LDLRAD4: variants seen among roughly 807,000 people sequenced by gnomAD.
LDLRAD4 encodes low density lipoprotein receptor class A domain containing 4.
Under a neutral mutation model 17.0 loss-of-function variants are expected in LDLRAD4, and 5 were observed. The observed-to-expected ratio is 0.29, with a 90% CI of 0.15 to 0.62. The LOEUF (loss-of-function observed/expected upper bound fraction) is 0.62. Ranked by LOEUF, LDLRAD4 falls within the 20% of genes least tolerant of loss-of-function variation. The pLI is 0.84. For missense variants in LDLRAD4, 340 were observed against 424.7 expected (o/e 0.80, Z 1.75); for synonymous variants, 168 against 171.8 (o/e 0.98, Z 0.17).
At chr18:13,474,266 A>C (rs8099129) in intron 3 of LDLRAD4, among the ~76,000 whole-genome samples, 1 of 152,012 alleles carries the variant, frequency 6.6e-6, no homozygotes, top group Non-Finnish European at 1.5e-5. Flanking sequence ...TTTTGATAGC[A>C]GTGTAAGAAC....
chr18:13,438,364 C>T, exon 3 of LDLRAD4: 2 of 1,613,996 alleles, frequency 1.2e-6, no homozygotes, highest in Non-Finnish European at 1.7e-6. Flanking sequence ...ACCGAGCACC[C>T]GCCTCCGGGC....
Position 13,537,188 on chromosome 18 carries a change from A to C in LDLRAD4, c.182-83929A>C, listed in dbSNP as rs112514944. Among the ~76,000 whole-genome samples the C allele has an allele frequency of 4.3e-4, 65 of 152,348 alleles. 1 individual carries two copies. The East Asian group carries it at 4.8e-3, about 11-fold the overall frequency. ...TCCTCTATTTTCTGAAATAATTTGC[A>C]TAAGGTGGTATTATTTCCTTTTTAA... is the stretch of plus-strand genomic sequence containing the variant. On this transcript the variant is annotated intron_variant, in intron 3 of 5. Transcript: ENST00000359446.
intron 1 of LDLRAD4, among the ~76,000 whole-genome samples, chr18:13,226,180 C>CTTTTTTTTTTTTTTCTTTTTTTTT (rs2041785610): frequency 1.9e-5 from 1 of 52,188 alleles, no homozygotes; most frequent in Non-Finnish European, 3.3e-5. Context: ...CCATGCCTTG[C>CTTTTTTTTTTTTTTCTTTTTTTTT]TTTTTTTTTT....
At chr18:13,484,488 G>A (rs895169038) in intron 3 of LDLRAD4, among the ~76,000 whole-genome samples, 5 of 152,088 alleles carry the variant, frequency 3.3e-5, no homozygotes, top group Non-Finnish European at 7.4e-5. Context: ...TGGTGTGCCA[G>A]CTACTCCGAG....
chr18:13,245,372 G>A (rs1250285433), intron 1 of LDLRAD4, among the ~76,000 whole-genome samples: 1 of 152,232 alleles, frequency 6.6e-6, no homozygotes, highest in African/African-American at 2.4e-5. Context: ...AGGCCTGCCT[G>A]AAGTTTTTGC....
At chr18:13,649,200 C>G (rs894468860) in exon 6 of LDLRAD4, 5 of 152,238 alleles carry the variant, frequency 3.3e-5, no homozygotes, top group Admixed American at 1.3e-4. Flanking sequence ...CTGACACCAG[C>G]AGAGGAATTT....
At chr18:13,298,152 G>A (rs2046372907) in intron 1 of LDLRAD4, among the ~76,000 whole-genome samples, 1 of 152,210 alleles carries the variant, frequency 6.6e-6, no homozygotes, top group Non-Finnish European at 1.5e-5. Flanking sequence ...GTGCAATGGT[G>A]CACAAGCTGG....
At chr18:13,478,221 G>A (rs1262276388) in intron 3 of LDLRAD4, among the ~76,000 whole-genome samples, 1 of 152,204 alleles carries the variant, frequency 6.6e-6, no homozygotes, top group Non-Finnish European at 1.5e-5. Flanking sequence ...TGTTGGACAT[G>A]CTGACTCTTG....
chr18:13,332,111 T>A (rs2081892623), intron 1 of LDLRAD4, among the ~76,000 whole-genome samples: 1 of 152,266 alleles, frequency 6.6e-6, no homozygotes, highest in African/African-American at 2.4e-5. Context: ...TCCTGTGGAA[T>A]TGAGTTCAAA....
chr18:13,373,660 C>T (rs138880889), intron 1 of LDLRAD4, among the ~76,000 whole-genome samples: 74 of 152,148 alleles, frequency 4.9e-4, no homozygotes, highest in African/African-American at 1.7e-3. Context: ...GAAATAGCTC[C>T]CCTTTTATAT....
At chr18:13,416,368 C>G (rs1374115232) in intron 2 of LDLRAD4, among the ~76,000 whole-genome samples, 1 of 152,326 alleles carries the variant, frequency 6.6e-6, no homozygotes, top group East Asian at 1.9e-4. Context: ...GAAACCCTGG[C>G]TTTTGTTTCC....
intron 1 of LDLRAD4, among the ~76,000 whole-genome samples, chr18:13,255,440 G>A (rs896270493): frequency 1.3e-5 from 2 of 152,230 alleles, no homozygotes; most frequent in Admixed American, 6.5e-5. Flanking sequence ...GTGGGTGAGC[G>A]GTTGCCTGGA....
intron 3 of LDLRAD4, among the ~76,000 whole-genome samples, chr18:13,445,147 A>G (rs1282663426): frequency 6.6e-6 from 1 of 152,178 alleles, no homozygotes; most frequent in Non-Finnish European, 1.5e-5. Flanking sequence ...CTAAATATCC[A>G]TCTGCTGTGT....
At chr18:13,608,578 C>T (rs1279186011) in intron 3 of LDLRAD4, among the ~76,000 whole-genome samples, 2 of 152,198 alleles carry the variant, frequency 1.3e-5, no homozygotes, top group Admixed American at 6.5e-5. Flanking sequence ...GAAATCTCAG[C>T]TGATCACCTC....
At chr18:13,611,475 G>A (rs2039550897) in intron 3 of LDLRAD4, 1 of 985,324 alleles carries the variant, frequency 1.0e-6, no homozygotes, top group Non-Finnish European at 1.2e-6. Context: ...CACAGCCTGG[G>A]GGCATCCGAA....
chr18:13,293,266 A>G (rs72869889), intron 1 of LDLRAD4, among the ~76,000 whole-genome samples: 1,780 of 152,304 alleles, frequency 0.012, 26 homozygotes, highest in South Asian at 0.035. Context: ...AGAGGAGACA[A>G]TATTCCAGGT....
At chr18:13,535,759 G>C (rs538131868) in intron 3 of LDLRAD4, among the ~76,000 whole-genome samples, 86 of 152,128 alleles carry the variant, frequency 5.7e-4, no homozygotes, top group African/African-American at 2.1e-3. Context: ...TTTCTCCCAT[G>C]TTTTCTTCTA....
intron 1 of LDLRAD4, among the ~76,000 whole-genome samples, chr18:13,295,233 C>G (rs1398031659): frequency 6.6e-6 from 1 of 152,224 alleles, no homozygotes; most frequent in African/African-American, 2.4e-5. Flanking sequence ...CAGGGCTTAC[C>G]CTCCACACAC....
Position 13,440,747 on chromosome 18 carries a change from G to A in LDLRAD4, c.181+2363G>A, listed in dbSNP as rs1424159189. 1.3e-5 allele frequency among the ~76,000 whole-genome samples: 2 copies of A among 152,212 alleles called. No individual in the cohort carries two copies. Among genetic ancestry groups the A allele is most frequent in the Admixed American group, 1.3e-4 (2 of 15,290 alleles). On this transcript the variant is annotated intron_variant, in intron 3 of 5. Coordinates refer to ENST00000359446, the Ensembl canonical transcript of LDLRAD4. The surrounding 1 kb of genome is among the most constrained non-coding windows in gnomAD (Gnocchi z 4.4). ...TGGGAAACACAGTCTATGTCATCGT[G>A]TTGCAGTTGCCATCTCCACTCCCCA...
Sources: gnomAD v4.1 joint callset for allele counts (sites outside exome capture counted in the v4.1 genomes callset) on GRCh38, gnomAD v4.1.1 for gene constraint, Gnocchi (gnomAD v3.1) non-coding constraint, MANE v1.5 for transcripts, NCBI Gene and HGNC (gene_info 2026-07-23, HGNC 2026-07-21) for gene names.